Variants in STK3 observed in about 807,000 individuals in gnomAD.
STK3 encodes the protein serine/threonine kinase 3, also known as serine/threonine-protein kinase 3.
Under a neutral mutation model 58.0 loss-of-function variants are expected in STK3, and 41 were observed. The ratio of observed to expected loss-of-function variants is 0.71; its 90% CI spans 0.55 to 0.92. The LOEUF (loss-of-function observed/expected upper bound fraction) is 0.92. Ranked by LOEUF, STK3 falls within the 40% of genes least tolerant of loss-of-function variation. The pLI is 0.00. For synonymous variants in STK3, 170 were observed against 191.0 expected, an observed-to-expected ratio of 0.89 and a Z score of 0.91; for missense variants, 479 against 602.7, an observed-to-expected ratio of 0.79 and a Z score of 2.15.
chr8:98,559,041 C>T (rs1339681114), intron 8 of STK3, among the ~76,000 whole-genome samples: 1 of 152,010 alleles, frequency 6.6e-6, no homozygotes. Flanking sequence ...ACAATCTCCC[C>T]CACAACCCAA....
At chr8:98,808,625 T>C (rs1273887235) in intron 1 of STK3, among the ~76,000 whole-genome samples, 1 of 152,210 alleles carries the variant, frequency 6.6e-6, no homozygotes, top group African/African-American at 2.4e-5. Flanking sequence ...ATTCAGCTCT[T>C]GTGCAACAAT....
chr8:98,714,282 C>T lies in STK3; in HGVS notation c.352-6971G>A, dbSNP rs549528022. Among the ~76,000 whole-genome samples the T allele has an allele frequency of 4.6e-5, 7 of 152,194 alleles. No individual in the cohort carries two copies. The South Asian group carries it at 1.5e-3, about 32-fold the overall frequency. On this transcript the variant is annotated intron_variant, in intron 4 of 10. Transcript: ENST00000419617. ...ATAGTGTTGAAAGTTCTGGTCAGGGCAATTAGGCAGGAGAAGGAAATTAAG... is the reference window on the plus strand; with the variant it reads ...ATAGTGTTGAAAGTTCTGGTCAGGGTAATTAGGCAGGAGAAGGAAATTAAG...
At chr8:98,659,779 T>C (rs1821825206) in intron 6 of STK3, among the ~76,000 whole-genome samples, 2 of 151,730 alleles carry the variant, frequency 1.3e-5, no homozygotes, top group Non-Finnish European at 2.9e-5. Flanking sequence ...AACATAGCAA[T>C]ACATAAGTTA....
At chr8:98,922,936 A>G (rs1471488992) in intron 1 of STK3, among the ~76,000 whole-genome samples, 2 of 152,262 alleles carry the variant, frequency 1.3e-5, no homozygotes, top group African/African-American at 4.8e-5. Context: ...TTTATGAAAT[A>G]TGGAAACTAT....
chr8:98,556,067 A>C (rs536221649), intron 8 of STK3, among the ~76,000 whole-genome samples: 178 of 152,220 alleles, frequency 1.2e-3, no homozygotes, highest in African/African-American at 3.7e-3. Context: ...AAAGGAGATG[A>C]CAAGTCTTAC....
At chr8:98,718,701 A>G (rs1033427787) in intron 4 of STK3, among the ~76,000 whole-genome samples, 4 of 152,136 alleles carry the variant, frequency 2.6e-5, no homozygotes, top group Non-Finnish European at 5.9e-5. Flanking sequence ...TTATGTTATG[A>G]TATTAATATA....
downstream of STK3, among the ~76,000 whole-genome samples, chr8:98,450,912 G>C (rs1281709829): frequency 6.6e-6 from 1 of 152,184 alleles, no homozygotes; most frequent in Non-Finnish European, 1.5e-5. Flanking sequence ...ATTAGGCTAT[G>C]TGGTCTAGCG....
chr8:98,418,052 G>A (rs1001037540), intron 3 of STK3, among the ~76,000 whole-genome samples: 3 of 152,070 alleles, frequency 2.0e-5, no homozygotes, highest in Admixed American at 6.6e-5. Context: ...TGGTACTAAA[G>A]GTGTGTACCA....
At chr8:98,621,943 G>A (rs1206677558) in intron 6 of STK3, among the ~76,000 whole-genome samples, 3 of 151,298 alleles carry the variant, frequency 2.0e-5, no homozygotes, top group East Asian at 1.9e-4. Context: ...AAAAAAGACC[G>A]TCAAATGAAA....
chr8:98,816,296 T>G (rs1834535930), intron 1 of STK3, among the ~76,000 whole-genome samples: 3 of 152,182 alleles, frequency 2.0e-5, no homozygotes, highest in Admixed American at 2.0e-4. Flanking sequence ...GCAAGACCAC[T>G]TGAGCCCAGG....
Position 98,548,081 on chromosome 8 carries a change from C to T in STK3, c.1029G>A (p.Met343Ile). ...CAATCATGGTCTGGGCCCCTTCACT[C>T]ATCGTGCTTGTGGCCCGCATGGTGC... is the stretch of plus-strand genomic sequence containing the variant. ...SVGTMRATST[M>I]SEGAQTMIEH... The change falls in exon 9 of 11, where the codon ATG (methionine) becomes ATA (isoleucine). Residue 343 changes from methionine to isoleucine, a missense_variant. This residue lies in a region of STK3 where 309 missense variants were observed against 355.7 expected (regional missense o/e 0.87). Transcript: ENST00000419617. 1.9e-6 allele frequency: 3 copies of T among 1,609,572 alleles called. No homozygotes were observed. Among genetic ancestry groups the T allele is most frequent in the Admixed American group, 1.7e-5 (1 of 59,366 alleles).
At chr8:98,647,665 C>A (rs913020432) in intron 6 of STK3, among the ~76,000 whole-genome samples, 2 of 152,138 alleles carry the variant, frequency 1.3e-5, no homozygotes, top group Non-Finnish European at 2.9e-5. Flanking sequence ...TGCCACCACG[C>A]CCAGATAATT....
intron 8 of STK3, among the ~76,000 whole-genome samples, chr8:98,567,804 T>G (rs1226242080): frequency 6.6e-6 from 1 of 152,112 alleles, no homozygotes; most frequent in Non-Finnish European, 1.5e-5. Flanking sequence ...ACACCTGTAA[T>G]CCCAGCACTT....
chr8:98,599,541 A>G (rs2130029657), intron 6 of STK3, among the ~76,000 whole-genome samples: 1 of 152,256 alleles, frequency 6.6e-6, no homozygotes, highest in East Asian at 1.9e-4. Flanking sequence ...CGTATTAAAA[A>G]ACCCTGGCAC....
At chr8:98,893,538 A>AAGAAAGAAAGAAAG (rs1305264288) in intron 1 of STK3, among the ~76,000 whole-genome samples, 2 of 139,780 alleles carry the variant, frequency 1.4e-5, no homozygotes, top group African/African-American at 5.4e-5. Flanking sequence ...GAAAGAAAGA[A>AAGAAAGAAAGAAAG]AAAGAAAGAG....
intron 6 of STK3, among the ~76,000 whole-genome samples, chr8:98,625,276 T>C (rs1417375826): frequency 3.3e-5 from 5 of 152,076 alleles, no homozygotes; most frequent in Non-Finnish European, 1.5e-5. Flanking sequence ...CACTGTACCC[T>C]CTCTCCGACA....
chr8:98,568,370 G>T (rs960799694), intron 8 of STK3, among the ~76,000 whole-genome samples: 37 of 152,168 alleles, frequency 2.4e-4, no homozygotes, highest in African/African-American at 8.2e-4. Context: ...TTAGAAAACA[G>T]ATAAATATGT....
the STK3 span, among the ~76,000 whole-genome samples, chr8:98,360,924 C>T: frequency 1.3e-5 from 2 of 152,196 alleles, no homozygotes; most frequent in African/African-American, 4.8e-5. Context: ...AAAACATTTT[C>T]CAGGGGTGTC....
intron 1 of STK3, among the ~76,000 whole-genome samples, chr8:98,917,236 A>C (rs973984048): frequency 6.6e-6 from 1 of 152,198 alleles, no homozygotes; most frequent in African/African-American, 2.4e-5. Flanking sequence ...ACAAATATTT[A>C]TATTCATTGA....
Sources: gnomAD v4.1 joint callset for allele counts (sites outside exome capture counted in the v4.1 genomes callset) on GRCh38, gnomAD v4.1.1 for gene constraint, gnomAD v4.1.1 regional missense constraint, MANE v1.5 for transcripts, NCBI Gene and HGNC (gene_info 2026-07-23, HGNC 2026-07-21) for gene names.